TBCK: variants seen among roughly 807,000 people sequenced by gnomAD.
The protein encoded by TBCK is TBC1 domain containing kinase.
A neutral mutation model predicts 113.4 loss-of-function variants in TBCK; 99 were observed. The ratio of observed to expected loss-of-function variants is 0.87; its 90% CI spans 0.74 to 1.03. The LOEUF is 1.03. TBCK is among the 50% of genes least tolerant of loss of function. TBCK has a pLI of 0.00. For missense variants in TBCK, 1,045 were observed against 1,061.3 expected (o/e 0.98, Z 0.21); for synonymous variants, 369 against 370.8 (o/e 1.00, Z 0.05).
chr4:106,248,327 A>G (rs1761063605), intron 8 of TBCK, 21 bp from the exon 9 acceptor site: 1 of 1,481,054 alleles, frequency 6.8e-7, no homozygotes, highest in Non-Finnish European at 9.2e-7. Context: ...AAGAGAGAAA[A>G]TAATTAATTA....
At chr4:106,054,190 C>G (rs1735137681) in intron 25 of TBCK, among the ~76,000 whole-genome samples, 1 of 151,584 alleles carries the variant, frequency 6.6e-6, no homozygotes, top group Non-Finnish European at 1.5e-5. Flanking sequence ...ATCTGCAAAT[C>G]TGCAAACAAT....
chr4:106,187,286 T>A (rs185819641), intron 22 of TBCK, among the ~76,000 whole-genome samples: 1 of 152,304 alleles, frequency 6.6e-6, no homozygotes, highest in African/African-American at 2.4e-5. Flanking sequence ...ATGTTGTTGG[T>A]AGTTTGATAG....
chr4:106,228,708 G>C (rs1490464488), intron 19 of TBCK, among the ~76,000 whole-genome samples: 1 of 151,872 alleles, frequency 6.6e-6, no homozygotes, highest in Non-Finnish European at 1.5e-5. Context: ...AATAAACATG[G>C]GAGTGCAGAT....
chr4:106,314,433 C>T (rs1156668711), intron 1 of TBCK, among the ~76,000 whole-genome samples: 1 of 152,004 alleles, frequency 6.6e-6, no homozygotes, highest in Admixed American at 6.5e-5. Flanking sequence ...AAAGAATTAG[C>T]AGTTCAACTT....
At chr4:106,132,609 G>C (rs1197298073) in intron 23 of TBCK, among the ~76,000 whole-genome samples, 1 of 152,206 alleles carries the variant, frequency 6.6e-6, no homozygotes, top group Non-Finnish European at 1.5e-5. Flanking sequence ...CTCCAAATCT[G>C]AGAATGGTAG....
At chr4:106,254,776 A>G (rs145985966) in intron 5 of TBCK, among the ~76,000 whole-genome samples, 34 of 152,192 alleles carry the variant, frequency 2.2e-4, no homozygotes, top group Admixed American at 6.5e-4. Flanking sequence ...CCGTATACTA[A>G]ATCAAATCTC....
intron 23 of TBCK, among the ~76,000 whole-genome samples, chr4:106,145,875 T>C (rs1034851775): frequency 5.3e-5 from 8 of 152,132 alleles, no homozygotes; most frequent in African/African-American, 1.9e-4. Flanking sequence ...AGAATGGCGA[T>C]TACTAAAAAG....
chr4:106,228,136 G>C (rs764330197), intron 19 of TBCK, among the ~76,000 whole-genome samples: 1 of 151,738 alleles, frequency 6.6e-6, no homozygotes, highest in Non-Finnish European at 1.5e-5. Context: ...TATATTTATG[G>C]GGTAAATGAG....
chr4:106,254,751 C>T (rs529376647), intron 5 of TBCK, among the ~76,000 whole-genome samples: 15 of 152,094 alleles, frequency 9.9e-5, no homozygotes, highest in African/African-American at 3.6e-4. Context: ...CCTCTTTCTC[C>T]CCAAGTAGTG....
At chr4:106,188,277 C>A (rs920943072) in intron 22 of TBCK, among the ~76,000 whole-genome samples, 1 of 152,120 alleles carries the variant, frequency 6.6e-6, no homozygotes, top group African/African-American at 2.4e-5. Flanking sequence ...TCCTTACATT[C>A]TTATTGCAAT....
At chr4:106,134,875 C>T (rs1746379337) in intron 23 of TBCK, among the ~76,000 whole-genome samples, 1 of 152,092 alleles carries the variant, frequency 6.6e-6, no homozygotes, top group Non-Finnish European at 1.5e-5. Flanking sequence ...CTTTTCTTTC[C>T]TAAGCTGTAA....
chr4:106,065,154 C>T (rs1736494322), intron 25 of TBCK, among the ~76,000 whole-genome samples: 1 of 151,908 alleles, frequency 6.6e-6, no homozygotes, highest in Admixed American at 6.6e-5. Flanking sequence ...TAAAAATGTA[C>T]CTTTTTATAT....
intron 24 of TBCK, among the ~76,000 whole-genome samples, chr4:106,101,980 G>C (rs1029284835): frequency 6.6e-6 from 1 of 152,038 alleles, no homozygotes; most frequent in Non-Finnish European, 1.5e-5. Flanking sequence ...ATTTTTGTTT[G>C]CTTTGAAATT....
intron 23 of TBCK, among the ~76,000 whole-genome samples, chr4:106,117,799 G>A (rs1206687911): frequency 6.6e-6 from 1 of 152,086 alleles, no homozygotes; most frequent in African/African-American, 2.4e-5. Context: ...TACGAGGTCA[G>A]GAAATGGAGA....
At chr4:106,269,939 AT>A (rs1207785907) in intron 3 of TBCK, among the ~76,000 whole-genome samples, 2 of 152,138 alleles carry the variant, frequency 1.3e-5, no homozygotes, top group Non-Finnish European at 2.9e-5. Context: ...TCTGTCACTG[AT>A]TTGTTATGCT....
intron 19 of TBCK, among the ~76,000 whole-genome samples, chr4:106,216,961 A>T (rs1207317488): frequency 6.6e-6 from 1 of 152,178 alleles, no homozygotes; most frequent in Non-Finnish European, 1.5e-5. Flanking sequence ...TGATGCAAAA[A>T]TCCTCAATAA....
chr4:106,052,891 C>G (rs563900783), intron 25 of TBCK, among the ~76,000 whole-genome samples: 1 of 151,830 alleles, frequency 6.6e-6, no homozygotes, highest in African/African-American at 2.4e-5. Flanking sequence ...CACCTTTGTA[C>G]TGTTTTGATG....
chr4:106,253,993 C>G (rs1322623855), intron 5 of TBCK, among the ~76,000 whole-genome samples: 1 of 152,194 alleles, frequency 6.6e-6, no homozygotes, highest in Non-Finnish European at 1.5e-5. Context: ...TATCAGGGAT[C>G]ACACAGAATA....
At chr4:106,302,181 A>G (rs1767014997) in intron 2 of TBCK, among the ~76,000 whole-genome samples, 1 of 152,196 alleles carries the variant, frequency 6.6e-6, no homozygotes, top group South Asian at 2.1e-4. Flanking sequence ...ACACATATTC[A>G]TGACCTATGT....
Sources: gnomAD v4.1 joint callset for allele counts (sites outside exome capture counted in the v4.1 genomes callset) on GRCh38, gnomAD v4.1.1 for gene constraint, MANE v1.5 for transcripts, NCBI Gene and HGNC (gene_info 2026-07-23, HGNC 2026-07-21) for gene names.